FBXO38: variants seen among roughly 807,000 people sequenced by gnomAD.
FBXO38 encodes the protein F-box protein 38.
Under a neutral mutation model 131.9 loss-of-function variants are expected in FBXO38, and 53 were observed. The observed-to-expected ratio is 0.40, with a 90% confidence interval of 0.32 to 0.51. The LOEUF is 0.51. FBXO38 is among the 20% of genes least tolerant of loss of function. The pLI is 0.53. For missense variants in FBXO38, 1,076 were observed against 1,475.6 expected (o/e 0.73, Z 4.44); for synonymous variants, 452 against 505.6 (o/e 0.89, Z 1.42).
intron 7 of FBXO38, among the ~76,000 whole-genome samples, chr5:148,408,850 C>T (rs1000371250): frequency 2.6e-5 from 4 of 152,156 alleles, no homozygotes; most frequent in Non-Finnish European, 4.4e-5. Flanking sequence ...CAGCTTCTGA[C>T]TTTCTAAAAA....
At chr5:148,421,873 C>G (rs146224693) in intron 12 of FBXO38, among the ~76,000 whole-genome samples, 1 of 152,126 alleles carries the variant, frequency 6.6e-6, no homozygotes, top group African/African-American at 2.4e-5. Flanking sequence ...CACCATCATC[C>G]GATTTAATTA....
At chr5:148,429,387 T>C (rs1294710361) in intron 15 of FBXO38, among the ~76,000 whole-genome samples, 1 of 152,138 alleles carries the variant, frequency 6.6e-6, no homozygotes, top group Non-Finnish European at 1.5e-5. Context: ...TGGTTATGGA[T>C]GTCCATTCTC....
rs562176670 is a variant in FBXO38, at chr5:148,392,202, C to T, written c.-63-2512C>T. ...TTTAGGAAGCCATTTCCGTAGTGCA[C>T]GTGAATGTTAATGGAGTCCCAAAAG... On this transcript the variant is annotated intron_variant, in intron 1 of 21. Coordinates refer to ENST00000340253, the MANE Select transcript of FBXO38 (RefSeq NM_205836.3). 9.2e-5 allele frequency among the ~76,000 whole-genome samples: 14 copies of T among 151,990 alleles called. 1 individual carries two copies. The highest frequency in any genetic ancestry group is 3.9e-4 in the East Asian group (2 of 5,166).
intron 1 of FBXO38, among the ~76,000 whole-genome samples, chr5:148,391,554 A>G (rs893899364): frequency 1.3e-5 from 2 of 152,172 alleles, no homozygotes. Flanking sequence ...ATGAAACACC[A>G]ATGGTTGTTT....
chr5:148,413,383 A>G (rs1752874533), intron 9 of FBXO38: 1 of 151,610 alleles, frequency 6.6e-6, no homozygotes, highest in South Asian at 2.1e-4. Context: ...GCAGACTGTG[A>G]GAGACGTATT....
intron 17 of FBXO38, among the ~76,000 whole-genome samples, chr5:148,435,919 G>A (rs1249725553): frequency 6.6e-6 from 1 of 152,130 alleles, no homozygotes. Context: ...GAGAGACAGG[G>A]GAACAGCCTG....
intron 14 of FBXO38, 24 bp from the exon 15 acceptor site, chr5:148,427,189 C>T (rs764207858): frequency 1.3e-6 from 2 of 1,550,408 alleles, no homozygotes; most frequent in South Asian, 2.4e-5. Context: ...TTTCCTCGGG[C>T]CGTTCTTCTT....
Position 148,433,408 on chromosome 5 carries a change from T to C in FBXO38, c.2654-16T>C, listed in dbSNP as rs147707335. The stretch of plus-strand genomic sequence containing the variant: ...AAGGCTAAAATTTGGATTTTCTTTT[T>C]TTTTGCCTTTTTTAGAAGTAGCCAA... On this transcript the variant is annotated splice_polypyrimidine_tract_variant and intron_variant, in intron 15 of 21. Transcript: ENST00000340253. 0.033 allele frequency: 52,830 copies of C among 1,595,134 alleles called. 1,047 individuals are homozygous for C. Among genetic ancestry groups the C allele is most frequent in the South Asian group, 0.062 (5,470 of 88,596 alleles).
intron 1 of FBXO38, chr5:148,385,255 G>A (rs1757849876): frequency 6.6e-6 from 1 of 152,158 alleles, no homozygotes; most frequent in African/African-American, 2.4e-5. Context: ...CTTGGGTAAA[G>A]AATGTAGAGT....
At chr5:148,440,594 A>T in intron 20 of FBXO38, 67 bp downstream of exon 20, 1 of 942,802 alleles carries the variant, frequency 1.1e-6, no homozygotes, top group Non-Finnish European at 1.6e-6. Context: ...AATCCCAGCG[A>T]CTCAGGAGGC....
chr5:148,412,114 CT>C (rs1442975711), intron 9 of FBXO38, among the ~76,000 whole-genome samples: 4 of 152,256 alleles, frequency 2.6e-5, no homozygotes, highest in Middle Eastern at 3.4e-3. Context: ...ACCTTCTTGA[CT>C]ACCATTATCT....
chr5:148,442,193 G>A lies in FBXO38; in HGVS notation c.*46G>A, dbSNP rs1581317439. 2.5e-6 allele frequency: 4 copies of A among 1,581,436 alleles called. No homozygotes were observed. Among genetic ancestry groups the A allele is most frequent in the East Asian group, 4.5e-5 (2 of 44,650 alleles). On this transcript the variant is annotated 3_prime_UTR_variant, in exon 22 of 22. Coordinates refer to ENST00000340253, the MANE Select transcript of FBXO38 (RefSeq NM_205836.3). ...GCTATTTTGTCAGAAAGCAAGTAGG[G>A]CCATCCAGCTGCCAGAGTGCTCCAC...
intron 5 of FBXO38, 98 bp from the exon 6 acceptor site, chr5:148,404,587 C>A: frequency 2.0e-6 from 2 of 1,002,820 alleles, no homozygotes; most frequent in Middle Eastern, 3.3e-4. Flanking sequence ...GAAGGTTAAG[C>A]TGTTAATATG....
At chr5:148,423,389 A>G (rs955124040) in intron 12 of FBXO38, among the ~76,000 whole-genome samples, 24 of 152,214 alleles carry the variant, frequency 1.6e-4, no homozygotes, top group Admixed American at 7.9e-4. Flanking sequence ...AATAAATAAG[A>G]AAATGTTTCT....
chr5:148,410,528 G>A (rs954702547), intron 8 of FBXO38, 107 bp from the exon 9 acceptor site: 9 of 1,316,048 alleles, frequency 6.8e-6, no homozygotes, highest in Admixed American at 6.5e-5. Context: ...TCTCAGGTAC[G>A]TCTTTGTCAG....
chr5:148,412,441 G>A (rs1387219395), intron 9 of FBXO38, among the ~76,000 whole-genome samples: 3 of 152,074 alleles, frequency 2.0e-5, no homozygotes, highest in Non-Finnish European at 2.9e-5. Context: ...TCACTTTCTT[G>A]TTATAAAAGG....
chr5:148,390,289 T>C (rs897726957), intron 1 of FBXO38, among the ~76,000 whole-genome samples: 2 of 152,176 alleles, frequency 1.3e-5, no homozygotes, highest in Non-Finnish European at 2.9e-5. Context: ...GCTTTTTATC[T>C]CCTGAACATT....
intron 1 of FBXO38, among the ~76,000 whole-genome samples, chr5:148,387,334 T>C (rs1833767): frequency 0.077 from 11,644 of 152,202 alleles, 853 homozygotes; most frequent in East Asian, 0.23. Context: ...TCTGTTCAAG[T>C]TTTATCATGA....
intron 6 of FBXO38, 115 bp downstream of exon 6, chr5:148,404,937 T>C: frequency 1.1e-6 from 1 of 871,060 alleles, no homozygotes; most frequent in Non-Finnish European, 1.6e-6. Context: ...ATTTATGTCT[T>C]ATAACATATT....
Sources: gnomAD v4.1 joint callset for allele counts (sites outside exome capture counted in the v4.1 genomes callset) on GRCh38, gnomAD v4.1.1 for gene constraint, MANE v1.5 for transcripts, NCBI Gene and HGNC (gene_info 2026-07-23, HGNC 2026-07-21) for gene names.